APTX: variants seen among roughly 807,000 people sequenced by gnomAD.
APTX encodes the protein forkhead-associated domain histidine triad-like protein.
Under a neutral mutation model 42.3 loss-of-function variants are expected in APTX, and 33 were observed. The observed-to-expected ratio is 0.78, with a 90% CI of 0.59 to 1.04. The LOEUF (loss-of-function observed/expected upper bound fraction) is 1.04. Among genes scored for constraint, APTX ranks in the 50% least tolerant of loss-of-function variants. The probability of loss-of-function intolerance (pLI) is 0.00; values close to 1 mark genes in which losing one functional copy is unlikely to be tolerated. For synonymous variants in APTX, 130 were observed against 146.7 expected (o/e 0.89, Z 0.82); for missense variants, 421 against 415.1 (o/e 1.01, Z -0.12).
intron 1 of APTX, among the ~76,000 whole-genome samples, chr9:32,994,861 G>A (rs923814300): frequency 1.3e-5 from 2 of 152,066 alleles, no homozygotes; most frequent in Non-Finnish European, 1.5e-5. Flanking sequence ...TGAAGCCAAC[G>A]CTCATTTACC....
At chr9:33,001,631 G>T (rs370856819), upstream of APTX, 3 of 1,613,412 alleles carry the variant, frequency 1.9e-6, no homozygotes, top group Non-Finnish European at 2.5e-6. Flanking sequence ...CCGGCGCTGC[G>T]GGATGACGTC....
intron 6 of APTX, among the ~76,000 whole-genome samples, chr9:32,983,357 G>A (rs577922798): frequency 3.3e-5 from 5 of 152,180 alleles, no homozygotes; most frequent in Non-Finnish European, 7.3e-5. Flanking sequence ...AGCAATGCTT[G>A]AGGGAGGATT....
At chr9:32,987,446 C>G in intron 4 of APTX, 98 bp downstream of exon 4, 1 of 1,454,206 alleles carries the variant, frequency 6.9e-7, no homozygotes, top group South Asian at 1.1e-5. Context: ...GGTTAATAAC[C>G]CCTCACGCAT....
chr9:32,986,020 C>T lies in APTX; in HGVS notation c.494G>A (p.Gly165Asp). 1 of 1,531,180 alleles carries T rather than the reference C, an allele frequency of 6.5e-7. No individual in the cohort carries two copies. The highest frequency in any genetic ancestry group is 8.9e-7 in the Non-Finnish European group (1 of 1,126,986). The allele number at this position is 1,531,180 out of a possible 1,614,324, so 94.8% of individuals were successfully genotyped here. Residue 165 changes from glycine (G) to aspartate (D), a missense_variant, in exon 5 of 8, where the codon GGC (glycine) becomes GAC (aspartate). Gly to Asp is a moderately conservative substitution (Grantham distance 94). Transcript: ENST00000379817. Reference sequence around the variant, plus strand: ...AATCTTCAAGCCTTGACTCCAGTGGCCCAGGGATTCCTAAAAAAAAAACAA... The same window carrying T: ...AATCTTCAAGCCTTGACTCCAGTGGTCCAGGGATTCCTAAAAAAAAAACAA... ...KDAPIKKESLGHWSQGLKISM... is the reference protein window; with the variant it reads ...KDAPIKKESLDHWSQGLKISM...
intron 1 of APTX, among the ~76,000 whole-genome samples, chr9:32,995,845 G>A (rs541660076): frequency 3.4e-5 from 5 of 146,842 alleles, no homozygotes; most frequent in Admixed American, 1.4e-4. Flanking sequence ...CCGAGATCGC[G>A]CCACTGCACT....
intron 1 of APTX, among the ~76,000 whole-genome samples, chr9:33,013,887 C>A (rs1212965947): frequency 1.3e-5 from 2 of 152,318 alleles, no homozygotes; most frequent in African/African-American, 4.8e-5. Context: ...AAAGAAATGA[C>A]AGGTGGGGGC....
At chr9:32,985,082 T>G (rs1187356005) in intron 5 of APTX, among the ~76,000 whole-genome samples, 1 of 152,216 alleles carries the variant, frequency 6.6e-6, no homozygotes, top group African/African-American at 2.4e-5. Context: ...TGTGGTTGAC[T>G]CCAGAGTCTG....
At chr9:32,986,096 A>G (rs941710921) in intron 4 of APTX, 66 bp from the exon 5 acceptor site, 5 of 1,462,344 alleles carry the variant, frequency 3.4e-6, no homozygotes, top group African/African-American at 2.8e-5. Flanking sequence ...ACAAATGCCA[A>G]TAATTAAATT....
At chr9:32,985,549 TG>T (rs1448748874) in intron 5 of APTX, among the ~76,000 whole-genome samples, 1 of 152,078 alleles carries the variant, frequency 6.6e-6, no homozygotes, top group Non-Finnish European at 1.5e-5. Flanking sequence ...TTGGTCAGGC[TG>T]ATCTCGAACT....
chr9:33,017,043 A>G (rs1433583457), intron 1 of APTX, among the ~76,000 whole-genome samples: 1 of 152,218 alleles, frequency 6.6e-6, no homozygotes, highest in Non-Finnish European at 1.5e-5. Flanking sequence ...CTCTATTCAT[A>G]ATACTTTGAA....
intron 1 of APTX, among the ~76,000 whole-genome samples, chr9:33,016,980 ATATAT>A (rs1312240416): frequency 1.3e-5 from 2 of 152,344 alleles, no homozygotes; most frequent in East Asian, 3.9e-4. Flanking sequence ...GATGCTTGCG[ATATAT>A]TATAAAACAA....
chr9:33,015,810 G>C (rs2051070931), intron 1 of APTX: 1 of 152,150 alleles, frequency 6.6e-6, no homozygotes, highest in African/African-American at 2.4e-5. Flanking sequence ...CACTGAAGTT[G>C]TTTATAACTA....
chr9:33,000,138 C>T (rs1456214080), intron 1 of APTX, among the ~76,000 whole-genome samples: 1 of 152,134 alleles, frequency 6.6e-6, no homozygotes, highest in Non-Finnish European at 1.5e-5. Context: ...GTTATTTAAC[C>T]TCTCCAAGCC....
At chr9:32,999,127 G>A (rs1345117223) in intron 1 of APTX, among the ~76,000 whole-genome samples, 1 of 152,190 alleles carries the variant, frequency 6.6e-6, no homozygotes, top group Non-Finnish European at 1.5e-5. Context: ...GCACTGACAC[G>A]TAAAGCAAAG....
At chr9:33,024,871 G>GGT (rs1838739852) in intron 1 of APTX, 1 of 97,884 alleles carries the variant, frequency 1.0e-5, no homozygotes, top group African/African-American at 3.5e-5. Flanking sequence ...AGGGGGGGGG[G>GGT]GGGGGGCAAG....
chr9:32,973,703 TGA>T (rs1563943364), intron 7 of APTX, 51 bp from the exon 8 acceptor site: 2 of 1,528,584 alleles, frequency 1.3e-6, no homozygotes, highest in East Asian at 2.3e-5. Flanking sequence ...AAAACCAATA[TGA>T]GATACCAAAA....
Position 32,987,748 on chromosome 9 carries a change from A to C in APTX, c.279T>G (p.Leu93=), listed in dbSNP as rs1168217085. The change falls in exon 4 of 8, where the codon CTT becomes CTG. Residue 93 remains leucine, a synonymous_variant. Coordinates refer to ENST00000379817, the MANE Select transcript of APTX (RefSeq NM_001195248.2). ...CCTCAAACTCTACAATATATGGATA[A>C]AGTTCATTCACCATGTGGAGAACCT... is the stretch of plus-strand genomic sequence containing the variant. ...PGQVLHMVNE[L]YPYIVEFEEE... is the part of the protein sequence containing the mutation. The C allele has an allele frequency of 6.2e-7, 1 of 1,614,188 alleles. No individual in the cohort carries two copies. The highest frequency in any genetic ancestry group is 8.5e-7 in the Non-Finnish European group (1 of 1,180,032).
chr9:33,009,029 T>G (rs16918936), intron 1 of APTX, among the ~76,000 whole-genome samples: 6,038 of 152,300 alleles, frequency 0.04, 150 homozygotes, highest in East Asian at 0.11. Context: ...TCTATTATTT[T>G]CAACTCCTGC....
At chr9:32,984,274 C>T (rs754594881) in intron 6 of APTX, among the ~76,000 whole-genome samples, 7 of 152,142 alleles carry the variant, frequency 4.6e-5, no homozygotes, top group Non-Finnish European at 1.0e-4. Flanking sequence ...GAGTAATGGT[C>T]CTTAATCATT....
Sources: allele counts gnomAD v4.1 joint callset (sites outside exome capture counted in the v4.1 genomes callset), GRCh38; gene constraint gnomAD v4.1.1; transcripts MANE v1.5; gene names NCBI Gene and HGNC (gene_info 2026-07-23, HGNC 2026-07-21).